SPOP: variants seen among roughly 807,000 people sequenced by gnomAD.
SPOP encodes the protein speckle type BTB/POZ protein, also known as speckle-type POZ protein.
A neutral mutation model predicts 45.6 loss-of-function variants in SPOP; 11 were observed. That is an observed-to-expected ratio of 0.24 (90% confidence interval 0.15 to 0.40). The LOEUF (loss-of-function observed/expected upper bound fraction) is 0.40. Ranked by LOEUF, SPOP falls within the 10% of genes least tolerant of loss-of-function variation. The probability of loss-of-function intolerance (pLI) is 1.00; values close to 1 mark genes in which losing one functional copy is unlikely to be tolerated. For synonymous variants in SPOP, 166 were observed against 166.3 expected (o/e 1.00, Z 0.01); for missense variants, 152 against 465.6 (o/e 0.33, Z 6.20).
Position 49,600,249 on chromosome 17 carries a change from A to ACAATGCAGTCTCTTCCCCT in SPOP, c.*110_*128dup. On this transcript the variant is annotated 3_prime_UTR_variant, in exon 10 of 10. Coordinates refer to ENST00000504102, the MANE Select transcript of SPOP (RefSeq NM_001007228.2). The surrounding 1 kb of genome is among the most constrained non-coding windows in gnomAD (Gnocchi z 4.2). ...AGTGCTGTTTTAAAAGTCTGGGGCC[A>ACAATGCAGTCTCTTCCCCT]CAATGCAGTCTCTTCCCCTCACAAC... 8.0e-7 allele frequency: 1 copy of ACAATGCAGTCTCTTCCCCT among 1,246,632 alleles called. No individual in the cohort carries two copies. The highest frequency in any genetic ancestry group is 1.1e-6 in the Non-Finnish European group (1 of 886,694). 77.2% of individuals were successfully genotyped at this position (1,246,632 alleles called of 1,614,324 possible). A position where few individuals can be genotyped will look rare whatever the true frequency, so the allele number is the denominator to read the frequency against.
At chr17:49,652,498 C>T (rs1020641817) in intron 1 of SPOP, among the ~76,000 whole-genome samples, 2 of 152,104 alleles carry the variant, frequency 1.3e-5, no homozygotes, top group African/African-American at 4.8e-5. Context: ...CCTTGAAGAG[C>T]CAGGAAAAGA....
chr17:49,668,828 G>A (rs982027186), intron 1 of SPOP, among the ~76,000 whole-genome samples: 8 of 148,328 alleles, frequency 5.4e-5, no homozygotes, highest in Non-Finnish European at 1.2e-4. Context: ...CCAGACTGGA[G>A]TGCAATGGCA....
chr17:49,635,806 G>A (rs1488122896), intron 1 of SPOP, among the ~76,000 whole-genome samples: 1 of 151,490 alleles, frequency 6.6e-6, no homozygotes, highest in Non-Finnish European at 1.5e-5. Flanking sequence ...GCTAATTTTT[G>A]TATTTTTAGT....
chr17:49,647,638 G>A (rs903869543), intron 1 of SPOP, among the ~76,000 whole-genome samples: 3 of 151,928 alleles, frequency 2.0e-5, no homozygotes, highest in Non-Finnish European at 4.4e-5. Context: ...GTGCCACCAT[G>A]CCCAGATAAT....
chr17:49,671,310 A>G (rs1433613981), intron 1 of SPOP, among the ~76,000 whole-genome samples: 1 of 151,344 alleles, frequency 6.6e-6, no homozygotes, highest in African/African-American at 2.4e-5. Flanking sequence ...TGCAAAAGTA[A>G]TTGAGGTTTT....
intron 1 of SPOP, chr17:49,646,088 C>T (rs1281668213): frequency 1.3e-5 from 2 of 152,128 alleles, no homozygotes; most frequent in African/African-American, 4.8e-5. Flanking sequence ...GCTCTAATTG[C>T]CAAATAAGAG....
rs936518961 is a variant in SPOP at position 49,600,298 on chromosome 17, G to A, written c.*80C>T. The A allele has an allele frequency of 2.9e-5, 45 of 1,573,148 alleles. No individual in the cohort carries two copies. The African/African-American group carries it at 3.0e-4, about 10-fold the overall frequency. ...ACAGAGTAAAAGCTCCACAGATTGC[G>A]CTGTCTACCTGGTGGTCAGTGGCAG... On this transcript the variant is annotated 3_prime_UTR_variant, in exon 10 of 10. Coordinates refer to ENST00000504102, the MANE Select transcript of SPOP (RefSeq NM_001007228.2). This position sits in a 1 kb window ranked among gnomAD's most constrained non-coding sequence, Gnocchi z 4.2.
At position 49,600,233 on chromosome 17, in the gene SPOP, T is replaced by A; in HGVS notation, c.*145A>T. The A allele has an allele frequency of 9.1e-7, 1 of 1,104,624 alleles. No individual in the cohort carries two copies. Among genetic ancestry groups the A allele is most frequent in the Non-Finnish European group, 1.3e-6 (1 of 764,422 alleles). 68.4% of individuals were successfully genotyped at this position (1,104,624 alleles called of 1,614,324 possible). On this transcript the variant is annotated 3_prime_UTR_variant, in exon 10 of 10. Transcript: ENST00000504102. This position sits in a 1 kb window ranked among gnomAD's most constrained non-coding sequence, Gnocchi z 4.2. ...TTCCCCCAAGTTATTTAGTGCTGTTTTAAAAGTCTGGGGCCACAATGCAGT... is the reference window on the plus strand; with the variant it reads ...TTCCCCCAAGTTATTTAGTGCTGTTATAAAAGTCTGGGGCCACAATGCAGT...
chr17:49,652,065 G>C (rs2072850014), intron 1 of SPOP, among the ~76,000 whole-genome samples: 1 of 151,844 alleles, frequency 6.6e-6, no homozygotes. Context: ...TACTACTACA[G>C]GTGGATCATC....
chr17:49,613,957 A>G (rs975117174), intron 5 of SPOP, among the ~76,000 whole-genome samples: 8 of 152,210 alleles, frequency 5.3e-5, no homozygotes, highest in Non-Finnish European at 8.8e-5. Flanking sequence ...CATTTATGTC[A>G]TCTTATAAAT....
intron 1 of SPOP, among the ~76,000 whole-genome samples, chr17:49,637,905 C>T (rs2081029167): frequency 6.6e-6 from 1 of 152,218 alleles, no homozygotes; most frequent in South Asian, 2.1e-4. Context: ...TCTCACTATG[C>T]TGCCCCAGCT....
At chr17:49,629,448 C>G (rs1000151724) in intron 1 of SPOP, among the ~76,000 whole-genome samples, 5 of 152,190 alleles carry the variant, frequency 3.3e-5, no homozygotes, top group African/African-American at 1.2e-4. Context: ...CCCGGTACCT[C>G]TAATCCCAGT....
chr17:49,670,592 A>T (rs1338778923), intron 1 of SPOP, among the ~76,000 whole-genome samples: 3 of 152,230 alleles, frequency 2.0e-5, no homozygotes, highest in Admixed American at 6.5e-5. Flanking sequence ...TTTTGCTAAG[A>T]TAGGAATTAG....
chr17:49,644,773 T>A (rs1379378324), intron 1 of SPOP, among the ~76,000 whole-genome samples: 2 of 152,192 alleles, frequency 1.3e-5, no homozygotes, highest in African/African-American at 4.8e-5. Context: ...CATATGTATA[T>A]AATTTATTGT....
chr17:49,645,720 T>C (rs1217536558), intron 1 of SPOP, among the ~76,000 whole-genome samples: 2 of 152,208 alleles, frequency 1.3e-5, no homozygotes, highest in Non-Finnish European at 2.9e-5. Context: ...CTTTTAATCA[T>C]CTCAAATTTT....
At chr17:49,618,667 G>A (rs934793903) in intron 5 of SPOP, 3 of 456,652 alleles carry the variant, frequency 6.6e-6, no homozygotes, top group African/African-American at 2.0e-5. Context: ...TTAGCTTGAT[G>A]TGACAGTCCT....
intron 1 of SPOP, among the ~76,000 whole-genome samples, chr17:49,669,997 G>T (rs932435346): frequency 6.6e-6 from 1 of 152,084 alleles, no homozygotes; most frequent in Non-Finnish European, 1.5e-5. Flanking sequence ...ACATGGCAAG[G>T]AGATTTACAC....
At chr17:49,676,971 T>G (rs1429322504) in intron 1 of SPOP, among the ~76,000 whole-genome samples, 1 of 152,226 alleles carries the variant, frequency 6.6e-6, no homozygotes, top group African/African-American at 2.4e-5. Context: ...TTTGTTTTCA[T>G]GTTACAGAGC....
intron 1 of SPOP, among the ~76,000 whole-genome samples, chr17:49,624,335 A>G (rs201318421): frequency 0.071 from 5,825 of 81,552 alleles, 178 homozygotes; most frequent in East Asian, 0.18. Context: ...GCGCGCGCAC[A>G]CACACACACA....
Sources: allele counts gnomAD v4.1 joint callset (sites outside exome capture counted in the v4.1 genomes callset), GRCh38; gene constraint gnomAD v4.1.1; non-coding constraint Gnocchi (gnomAD v3.1); transcripts MANE v1.5; gene names NCBI Gene and HGNC (gene_info 2026-07-23, HGNC 2026-07-21).